The following LINGO2 variants were observed in gnomAD, a reference collection of about 807,000 sequenced individuals.
LINGO2 encodes the protein leucine rich repeat and Ig domain containing 2, also known as leucine-rich repeat and immunoglobulin-like domain-containing nogo receptor-interacting protein 2.
LINGO2 carries 14 observed loss-of-function variants against 30.6 expected under a neutral mutation model. The ratio of observed to expected loss-of-function variants is 0.46; its 90% CI spans 0.30 to 0.72. LINGO2 has a LOEUF of 0.72. LINGO2 is among the 30% of genes least tolerant of loss of function. The probability of loss-of-function intolerance (pLI) is 0.07; values close to 1 mark genes in which losing one functional copy is unlikely to be tolerated. For synonymous variants in LINGO2, 317 were observed against 288.5 expected, an observed-to-expected ratio of 1.10 and a Z score of -1.00; for missense variants, 729 against 751.7, an observed-to-expected ratio of 0.97 and a Z score of 0.35.
intron 2 of LINGO2, among the ~76,000 whole-genome samples, chr9:28,437,058 A>G (rs1039941579): frequency 7.2e-5 from 11 of 152,208 alleles, no homozygotes; most frequent in African/African-American, 2.7e-4. Context: ...AGGAATACCA[A>G]GATAACTGGT....
At chr9:28,149,355 G>T in intron 4 of LINGO2, 1 of 440,304 alleles carries the variant, frequency 2.3e-6, no homozygotes, top group Non-Finnish European at 4.1e-6. Context: ...CTGCTCCACC[G>T]TCTGGGAAGT....
At chr9:28,352,047 C>T (rs1274339607) in intron 3 of LINGO2, among the ~76,000 whole-genome samples, 426 of 150,434 alleles carry the variant, frequency 2.8e-3, no homozygotes, top group African/African-American at 0.01. Context: ...CAATATCATA[C>T]TGAATGGGCA....
the LINGO2 span, among the ~76,000 whole-genome samples, chr9:29,080,366 A>C: frequency 6.6e-6 from 1 of 151,392 alleles, no homozygotes; most frequent in African/African-American, 2.4e-5. Flanking sequence ...GCGGTCTATC[A>C]ATTTTGATGA....
At chr9:28,179,462 T>C (rs1211134834) in intron 4 of LINGO2, among the ~76,000 whole-genome samples, 2 of 137,932 alleles carry the variant, frequency 1.4e-5, no homozygotes, top group African/African-American at 5.3e-5. Context: ...TACTATAGTG[T>C]ATATATACTA....
chr9:28,509,238 C>T (rs556818373), intron 1 of LINGO2, among the ~76,000 whole-genome samples: 4 of 152,254 alleles, frequency 2.6e-5, no homozygotes, highest in East Asian at 1.9e-4. Flanking sequence ...CCCTCAAGAA[C>T]GTCCAATGGG....
At chr9:28,399,144 C>G (rs1027655536) in intron 2 of LINGO2, among the ~76,000 whole-genome samples, 8 of 152,166 alleles carry the variant, frequency 5.3e-5, no homozygotes, top group African/African-American at 1.9e-4. Context: ...TTTCCCAATA[C>G]TAAACCCCCA....
At chr9:29,190,885 T>C in the LINGO2 span, among the ~76,000 whole-genome samples, 5 of 152,194 alleles carry the variant, frequency 3.3e-5, no homozygotes, top group Non-Finnish European at 7.4e-5. Context: ...TTTCCAGTGC[T>C]AATCATAGGT....
intron 4 of LINGO2, among the ~76,000 whole-genome samples, chr9:28,205,472 T>C (rs976484107): frequency 6.6e-6 from 1 of 152,212 alleles, no homozygotes; most frequent in Admixed American, 6.5e-5. Context: ...ATAATACTTA[T>C]CAACACCTGA....
the LINGO2 span, among the ~76,000 whole-genome samples, chr9:28,749,135 T>C: frequency 2.0e-4 from 30 of 152,036 alleles, no homozygotes; most frequent in African/African-American, 6.8e-4. Flanking sequence ...TCCAAGAGCT[T>C]TATTTCTCAC....
intron 2 of LINGO2, among the ~76,000 whole-genome samples, chr9:28,433,470 A>G (rs1823764030): frequency 6.6e-6 from 1 of 152,168 alleles, no homozygotes; most frequent in African/African-American, 2.4e-5. Flanking sequence ...AAAGAGATGA[A>G]CCTCAAAGCC....
chr9:28,706,706 C>T, the LINGO2 span, among the ~76,000 whole-genome samples: 2 of 152,050 alleles, frequency 1.3e-5, no homozygotes, highest in Non-Finnish European at 2.9e-5. Context: ...TTCTACAAAG[C>T]ATTTTAGGGG....
intron 2 of LINGO2, among the ~76,000 whole-genome samples, chr9:28,427,545 T>C (rs1361830410): frequency 6.6e-6 from 1 of 152,180 alleles, no homozygotes; most frequent in Non-Finnish European, 1.5e-5. Context: ...AATCATTTGC[T>C]TAAATTCTAC....
At chr9:28,759,188 T>C in the LINGO2 span, among the ~76,000 whole-genome samples, 14 of 152,056 alleles carry the variant, frequency 9.2e-5, no homozygotes, top group Non-Finnish European at 1.5e-4. Flanking sequence ...TGAGTGTTAC[T>C]GTGATGGATT....
At chr9:27,968,831 G>A (rs1289808557) in intron 5 of LINGO2, among the ~76,000 whole-genome samples, 1 of 151,328 alleles carries the variant, frequency 6.6e-6, no homozygotes, top group Non-Finnish European at 1.5e-5. Context: ...CCCTGTTATG[G>A]TAATTTACCT....
chr9:28,506,423 C>T (rs111593770), intron 1 of LINGO2, among the ~76,000 whole-genome samples: 2 of 2,950 alleles, frequency 6.8e-4, no homozygotes, highest in African/African-American at 1.3e-3. Flanking sequence ...TATATATATA[C>T]ACACACACAC....
chr9:28,104,255 G>GTTTTTATTTTT (rs1826504301), intron 4 of LINGO2, among the ~76,000 whole-genome samples: 1 of 75,158 alleles, frequency 1.3e-5, no homozygotes, highest in Non-Finnish European at 2.8e-5. Flanking sequence ...CCCAGTACAA[G>GTTTTTATTTTT]TTTTTTGTTT....
chr9:29,005,077 A>G, the LINGO2 span, among the ~76,000 whole-genome samples: 2 of 152,136 alleles, frequency 1.3e-5, no homozygotes, highest in African/African-American at 4.8e-5. Flanking sequence ...GTGTTTGCTC[A>G]TATGTATCAT....
At chr9:28,046,495 A>T (rs1824427007) in intron 4 of LINGO2, among the ~76,000 whole-genome samples, 1 of 152,120 alleles carries the variant, frequency 6.6e-6, no homozygotes, top group African/African-American at 2.4e-5. Flanking sequence ...ATTTAAGCCA[A>T]CTTCCTTTGC....
At chr9:28,543,373 C>T (rs1464666246) in intron 1 of LINGO2, among the ~76,000 whole-genome samples, 3 of 151,968 alleles carry the variant, frequency 2.0e-5, no homozygotes, top group Non-Finnish European at 2.9e-5. Flanking sequence ...TTTTCAATGG[C>T]TTTAAAATAT....
Sources: allele counts gnomAD v4.1 joint callset (sites outside exome capture counted in the v4.1 genomes callset), GRCh38; gene constraint gnomAD v4.1.1; transcripts MANE v1.5; gene names NCBI Gene and HGNC (gene_info 2026-07-23, HGNC 2026-07-21).